Variants in PTPN7 observed in about 807,000 individuals in gnomAD.
PTPN7 encodes protein tyrosine phosphatase non-receptor type 7, also known as tyrosine-protein phosphatase non-receptor type 7.
PTPN7 carries 33 observed loss-of-function variants against 50.3 expected under a neutral mutation model. The observed-to-expected ratio is 0.66, with a 90% CI of 0.50 to 0.88. PTPN7 has a LOEUF of 0.88. PTPN7 is among the 40% of genes least tolerant of loss of function. The pLI, the probability that PTPN7 is intolerant of heterozygous loss-of-function variation, is 0.00. For synonymous variants in PTPN7, 185 were observed against 186.6 expected, an observed-to-expected ratio of 0.99 and a Z score of 0.07; for missense variants, 412 against 475.4, an observed-to-expected ratio of 0.87 and a Z score of 1.24.
At chr1:202,155,700 C>T in intron 4 of PTPN7, 91 bp from the exon 5 acceptor site, 1 of 1,119,230 alleles carries the variant, frequency 8.9e-7, no homozygotes, top group Non-Finnish European at 1.3e-6. Context: ...AGTTCCTGTG[C>T]TCATCACAGT....
chr1:202,152,371 G>T (rs1203536036), intron 8 of PTPN7, among the ~76,000 whole-genome samples, 171 bp downstream of exon 8: 1 of 152,218 alleles, frequency 6.6e-6, no homozygotes, highest in African/African-American at 2.4e-5. Context: ...TGGGTTCTGC[G>T]TGAAGGAGGT....
In PTPN7 at chr1:202,159,027, A is replaced by G; in HGVS notation, c.122+254T>C. On this transcript the variant is annotated intron_variant, in intron 2 of 9. Coordinates refer to ENST00000691036, the MANE Select transcript of PTPN7 (RefSeq NM_002832.4). The surrounding 1 kb of genome is among the most constrained non-coding windows in gnomAD (Gnocchi z 4.6). ...CCCAGCCAGGCCCTGTGGCTCCGAC[A>G]TGCATCCAGCACCAAGAAGGCTGTG... The G allele has an allele frequency of 2.0e-6, 1 of 504,748 alleles. No individual in the cohort carries two copies. Among genetic ancestry groups the G allele is most frequent in the Non-Finnish European group, 3.6e-6 (1 of 279,470 alleles). 31.3% of individuals were successfully genotyped at this position (504,748 alleles called of 1,614,324 possible). A position where few individuals can be genotyped will look rare whatever the true frequency, so the allele number is the denominator to read the frequency against.
rs200047109 is a variant in PTPN7 at position 202,155,591 on chromosome 1, C to T, written c.410G>A (p.Cys137Tyr). The T allele has an allele frequency of 2.6e-5, 41 of 1,566,798 alleles. No homozygotes were observed. Reference sequence around the variant, plus strand: ...CTCCTGGCTCTGTGCCCGGCCTAGACAGACACGGCTCTGGGGATCTAGGAA... The same window carrying T: ...CTCCTGGCTCTGTGCCCGGCCTAGATAGACACGGCTCTGGGGATCTAGGAA... ...TILPNPQSRV[C>Y]LGRAQSQEDG... The change falls in exon 5 of 10, where the codon TGT becomes TAT. Residue 137 changes from cysteine (C) to tyrosine (Y), a missense_variant. Cys to Tyr is a radical substitution (Grantham distance 194). Transcript: ENST00000691036.
intron 9 of PTPN7, among the ~76,000 whole-genome samples, chr1:202,149,520 G>T (rs1655690875): frequency 6.6e-6 from 1 of 152,140 alleles, no homozygotes; most frequent in Non-Finnish European, 1.5e-5. Flanking sequence ...GTGGGGGCTG[G>T]GCACAGTGGC....
Position 202,148,582 on chromosome 1 carries a change from T to C in PTPN7, c.*24A>G. 1 of 1,602,928 alleles carries C rather than the reference T, an allele frequency of 6.2e-7. No individual in the cohort carries two copies. The highest frequency in any genetic ancestry group is 8.5e-7 in the Non-Finnish European group (1 of 1,170,554). ...CCCAGGCTTGAGGGAGGTAGGCACC[T>C]GGGCCACCGGAGGGTGGCAGGGGTC... is the stretch of plus-strand genomic sequence containing the variant. On this transcript the variant is annotated 3_prime_UTR_variant, in exon 10 of 10. Coordinates refer to ENST00000691036, the MANE Select transcript of PTPN7 (RefSeq NM_002832.4).
chr1:202,157,228 G>A (rs1345293938), intron 4 of PTPN7, among the ~76,000 whole-genome samples: 1 of 152,244 alleles, frequency 6.6e-6, no homozygotes, highest in Non-Finnish European at 1.5e-5. Flanking sequence ...AAAGGATTGA[G>A]GCTGGACGCG....
chr1:202,154,096 T>G, intron 6 of PTPN7, 90 bp downstream of exon 6: 1 of 1,570,202 alleles, frequency 6.4e-7, no homozygotes, highest in East Asian at 2.2e-5. Flanking sequence ...CAGGGAAACC[T>G]CTGGTTCTGA....
Position 202,154,273 on chromosome 1 carries a change from G to A in PTPN7, c.519C>T (p.Pro173=), listed in dbSNP as rs774189618. Residue 173 remains proline, a synonymous_variant, in exon 6 of 10, where the codon CCC becomes CCT. Transcript: ENST00000691036. ...KVYIATQGPM[P]NTVSDFWEMV... ...TCTCCCAGAAGTCCGACACAGTGTTGGGCATGGGGCCCTGGGTGGCAATGT... is the reference window on the plus strand; with the variant it reads ...TCTCCCAGAAGTCCGACACAGTGTTAGGCATGGGGCCCTGGGTGGCAATGT... 36 of 1,614,022 alleles carry A rather than the reference G, an allele frequency of 2.2e-5. No homozygotes were observed. Among genetic ancestry groups the A allele is most frequent in the Non-Finnish European group, 2.7e-5 (32 of 1,180,036 alleles).
upstream of PTPN7, chr1:202,160,922 G>C: frequency 7.0e-7 from 1 of 1,437,940 alleles, no homozygotes; most frequent in South Asian, 1.5e-5. This position sits in a 1 kb window ranked among gnomAD's most constrained non-coding sequence, Gnocchi z 4.8. Context: ...CCCCAGCTCT[G>C]TGCTGTCCCA....
At chr1:202,153,522 G>T (rs553264348) in intron 7 of PTPN7, among the ~76,000 whole-genome samples, 2 of 152,196 alleles carry the variant, frequency 1.3e-5, no homozygotes, top group Non-Finnish European at 2.9e-5. Flanking sequence ...AGTACTTCCC[G>T]GTAGTCCTAT....
rs139480693 is a variant in PTPN7, at chr1:202,159,325, C to T, written c.78G>A (p.Pro26=). The change falls in exon 2 of 10, where the codon CCG becomes CCA. Residue 26 remains proline (P), a synonymous_variant. Coordinates refer to ENST00000691036, the MANE Select transcript of PTPN7 (RefSeq NM_002832.4). This position sits in a 1 kb window ranked among gnomAD's most constrained non-coding sequence, Gnocchi z 4.6. ...LSLGAAMTQP[P]PEKTPAKKHV... ...GCTTCTTGGCTGGCGTTTTTTCAGG[C>T]GGAGGCTGGGTCATGGCTGCCCCCA... 2.9e-4 allele frequency: 467 copies of T among 1,614,170 alleles called. 3 individuals carry two copies. The African/African-American group carries it at 3.4e-3, about 12-fold the overall frequency.
At chr1:202,156,873 T>C (rs909518747) in intron 4 of PTPN7, among the ~76,000 whole-genome samples, 1 of 151,818 alleles carries the variant, frequency 6.6e-6, no homozygotes, top group Non-Finnish European at 1.5e-5. Context: ...CTCCGAAAAA[T>C]AGAAGGTGCT....
In PTPN7 at chr1:202,159,388, A is replaced by C. The variant is rs1657087654; in HGVS notation, c.15T>G (p.His5Gln). Residue 5 changes from histidine (H) to glutamine (Q), a missense_variant, in exon 2 of 10, where the codon CAT (histidine) becomes CAG (glutamine). His to Gln is a conservative substitution (Grantham distance 24, BLOSUM62 0). Transcript: ENST00000691036. The surrounding 1 kb of genome is among the most constrained non-coding windows in gnomAD (Gnocchi z 4.6). MVQAHGGRSRAQPLT... is the reference protein window; with the variant it reads MVQAQGGRSRAQPLT... ...ACGGCTGTGCTCTGGAGCGCCCCCC[A>C]TGGGCTTGGACCATGCTGAGGTGGG... 6.2e-7 allele frequency: 1 copy of C among 1,614,120 alleles called. No homozygotes were observed. Among genetic ancestry groups the C allele is most frequent in the Non-Finnish European group, 8.5e-7 (1 of 1,180,012 alleles).
rs1657247335 is a variant in PTPN7 at position 202,160,441 on chromosome 1, C to T, written c.-53+104G>A. The T allele has an allele frequency of 8.2e-7, 1 of 1,212,376 alleles. No homozygotes were observed. Among genetic ancestry groups the T allele is most frequent in the Non-Finnish European group, 1.2e-6 (1 of 868,294 alleles). 75.1% of individuals were successfully genotyped at this position (1,212,376 alleles called of 1,614,324 possible). Reference sequence around the variant, plus strand: ...ATACCCCAGCCAGGCACTGTGGCGCCCCACTCGCCCTCCCGCACTCCCTCC... The same window carrying T: ...ATACCCCAGCCAGGCACTGTGGCGCTCCACTCGCCCTCCCGCACTCCCTCC... On this transcript the variant is annotated intron_variant, in intron 1 of 9. Transcript: ENST00000691036. This position sits in a 1 kb window ranked among gnomAD's most constrained non-coding sequence, Gnocchi z 4.8.
upstream of PTPN7, chr1:202,161,557 T>G: frequency 7.8e-7 from 1 of 1,286,374 alleles, no homozygotes; most frequent in African/African-American, 1.5e-5. Flanking sequence ...CCCAGCCGGT[T>G]CATGCTCGCT....
At position 202,160,449 on chromosome 1, in the gene PTPN7, C is replaced by A; in HGVS notation, c.-53+96G>T. On this transcript the variant is annotated intron_variant, in intron 1 of 9. Transcript: ENST00000691036. The surrounding 1 kb of genome is among the most constrained non-coding windows in gnomAD (Gnocchi z 4.8). ...GCCAGGCACTGTGGCGCCCCACTCG[C>A]CCTCCCGCACTCCCTCCTAGAGATG... is the stretch of plus-strand genomic sequence containing the variant. The A allele has an allele frequency of 7.8e-7, 1 of 1,288,398 alleles. No individual in the cohort carries two copies. Among genetic ancestry groups the A allele is most frequent in the Non-Finnish European group, 1.1e-6 (1 of 935,672 alleles). The allele number at this position is 1,288,398 out of a possible 1,614,324, so 79.8% of individuals were successfully genotyped here.
chr1:202,148,846 A>AAT, intron 9 of PTPN7, 147 bp from the exon 10 acceptor site: 7 of 208,346 alleles, frequency 3.4e-5, no homozygotes, highest in Admixed American at 1.0e-4. Context: ...TCATCTTTTC[A>AAT]CTTTTTTTTT....
upstream of PTPN7, chr1:202,161,321 TCCCCTGGG>T (rs923085819): frequency 1.7e-6 from 2 of 1,171,374 alleles, no homozygotes; most frequent in African/African-American, 3.2e-5. Context: ...CCGAGGGGCT[TCCCCTGGG>T]CCCTCAGCCC....
chr1:202,160,946 G>C, upstream of PTPN7: 1 of 1,429,982 alleles, frequency 7.0e-7, no homozygotes, highest in Non-Finnish European at 9.1e-7. The surrounding 1 kb of genome is among the most constrained non-coding windows in gnomAD (Gnocchi z 4.8). Context: ...AGAACCCAAG[G>C]CTCTCCTGCT....
Sources: allele counts gnomAD v4.1 joint callset (sites outside exome capture counted in the v4.1 genomes callset), GRCh38; gene constraint gnomAD v4.1.1; non-coding constraint Gnocchi (gnomAD v3.1); transcripts MANE v1.5; gene names NCBI Gene and HGNC (gene_info 2026-07-23, HGNC 2026-07-21).